The following ANKS1B variants were observed in gnomAD, a reference collection of about 807,000 sequenced individuals.
ANKS1B encodes the protein ankyrin repeat and sterile alpha motif domain-containing protein 1B.
ANKS1B carries 36 observed loss-of-function variants against 148.3 expected under a neutral mutation model. That is an observed-to-expected ratio of 0.24 (90% CI 0.19 to 0.32). The LOEUF (loss-of-function observed/expected upper bound fraction) is 0.32, where lower values mean the gene tolerates loss of function less well. Ranked by LOEUF, ANKS1B falls within the 10% of genes least tolerant of loss-of-function variation. The pLI is 1.00. For synonymous variants in ANKS1B, 542 were observed against 560.8 expected (o/e 0.97, Z 0.47); for missense variants, 1,157 against 1,542.6 (o/e 0.75, Z 4.19).
chr12:99,886,441 T>C (rs1056645576), intron 1 of ANKS1B, among the ~76,000 whole-genome samples: 3 of 152,198 alleles, frequency 2.0e-5, no homozygotes, highest in African/African-American at 7.2e-5. Context: ...TATTGTGTAA[T>C]TAATTCTTTC....
At chr12:99,596,972 T>C (rs1008579263) in intron 9 of ANKS1B, among the ~76,000 whole-genome samples, 23 of 152,066 alleles carry the variant, frequency 1.5e-4, no homozygotes, top group African/African-American at 3.9e-4. Context: ...CTGAGTCATA[T>C]GGTAAATTTA....
chr12:99,149,829 G>A (rs1023293672), intron 15 of ANKS1B, among the ~76,000 whole-genome samples: 1 of 152,044 alleles, frequency 6.6e-6, no homozygotes. Context: ...GTAATTTGCT[G>A]CTGACACACC....
At chr12:99,387,797 T>G (rs1368691331) in intron 12 of ANKS1B, among the ~76,000 whole-genome samples, 1 of 149,912 alleles carries the variant, frequency 6.7e-6, no homozygotes, top group Non-Finnish European at 1.5e-5. Context: ...GTTACCCAGT[T>G]TACGGTATTT....
At chr12:99,860,954 C>A (rs536455231) in intron 1 of ANKS1B, among the ~76,000 whole-genome samples, 3 of 152,146 alleles carry the variant, frequency 2.0e-5, no homozygotes, top group African/African-American at 4.8e-5. Flanking sequence ...AACTACAACC[C>A]AAATTAGTAC....
intron 9 of ANKS1B, among the ~76,000 whole-genome samples, chr12:99,519,022 T>C (rs1017355097): frequency 2.0e-5 from 3 of 152,114 alleles, no homozygotes; most frequent in African/African-American, 7.2e-5. Context: ...TTCATGTGTC[T>C]GTATAGTTTC....
chr12:98,802,594 CTTTTTTTTTTTTTT>C (rs397850118), intron 20 of ANKS1B, among the ~76,000 whole-genome samples: 5 of 34,758 alleles, frequency 1.4e-4, no homozygotes, highest in East Asian at 1.2e-3. Flanking sequence ...AATGCACAGG[CTTTTTTTTTTTTTT>C]TTTTTTTTTT....
At chr12:99,537,929 T>C (rs2097089140) in intron 9 of ANKS1B, among the ~76,000 whole-genome samples, 1 of 152,180 alleles carries the variant, frequency 6.6e-6, no homozygotes, top group Non-Finnish European at 1.5e-5. Context: ...TATTTGATTT[T>C]TGTAATTAAT....
At chr12:99,720,717 C>T (rs7953607) in intron 8 of ANKS1B, among the ~76,000 whole-genome samples, 66,180 of 151,902 alleles carry the variant, frequency 0.44, 14,818 homozygotes, top group South Asian at 0.61. Flanking sequence ...AGGCCCCAGT[C>T]TCATTCCAGA....
intron 17 of ANKS1B, among the ~76,000 whole-genome samples, chr12:98,917,867 T>C (rs2099796496): frequency 6.6e-6 from 1 of 152,220 alleles, no homozygotes; most frequent in African/African-American, 2.4e-5. Context: ...CCTCATTCTT[T>C]CTTTTAATTC....
chr12:99,228,455 T>A (rs1044359660), intron 14 of ANKS1B, among the ~76,000 whole-genome samples: 1 of 152,048 alleles, frequency 6.6e-6, no homozygotes, highest in Non-Finnish European at 1.5e-5. Flanking sequence ...TCTATCTGTA[T>A]GTGATTGAAT....
chr12:99,324,400 C>T (rs975321566), intron 12 of ANKS1B, among the ~76,000 whole-genome samples: 1 of 152,116 alleles, frequency 6.6e-6, no homozygotes, highest in East Asian at 1.9e-4. Context: ...TCTGTAGTCA[C>T]ACTTGGGAAC....
intron 1 of ANKS1B, among the ~76,000 whole-genome samples, chr12:99,934,671 G>A (rs572045109): frequency 1.3e-5 from 2 of 151,848 alleles, no homozygotes; most frequent in African/African-American, 4.8e-5. Flanking sequence ...CTGGCTAAAG[G>A]TTTCCCAATT....
chr12:99,742,214 C>T (rs12321872), intron 8 of ANKS1B, among the ~76,000 whole-genome samples: 1 of 150,424 alleles, frequency 6.6e-6, no homozygotes, highest in Non-Finnish European at 1.5e-5. Context: ...ATAAGTTTAG[C>T]TATGTAACAA....
intron 9 of ANKS1B, among the ~76,000 whole-genome samples, chr12:99,612,133 T>G (rs995777400): frequency 6.6e-6 from 1 of 152,066 alleles, no homozygotes; most frequent in African/African-American, 2.4e-5. Flanking sequence ...CAACCTTTCT[T>G]AAGCCCCAAG....
intron 9 of ANKS1B, among the ~76,000 whole-genome samples, chr12:99,562,429 T>C (rs1291331346): frequency 6.6e-6 from 1 of 152,226 alleles, no homozygotes; most frequent in Non-Finnish European, 1.5e-5. Flanking sequence ...CTACATGGCA[T>C]CTTTTTCCAA....
chr12:99,426,992 A>G lies in ANKS1B; in HGVS notation c.1575+16681T>C, dbSNP rs111737132. On this transcript the variant is annotated intron_variant, in intron 11 of 26. Coordinates refer to ENST00000683438, the MANE Select transcript of ANKS1B (RefSeq NM_001352186.2). ...TTCGTAACCTGTATCTCCTAAATTC[A>G]ACTCTATGGTAAATATTATTCATTC... 4.6e-3 allele frequency among the ~76,000 whole-genome samples: 697 copies of G among 152,268 alleles called. 4 individuals carry two copies. Among genetic ancestry groups the G allele is most frequent in the African/African-American group, 0.015 (632 of 41,550 alleles).
chr12:98,782,355 T>G (rs139985881), intron 22 of ANKS1B, among the ~76,000 whole-genome samples: 54 of 152,354 alleles, frequency 3.5e-4, no homozygotes, highest in African/African-American at 1.3e-3. Flanking sequence ...TCTTTCTCTG[T>G]TTCTCATCAT....
At chr12:99,307,503 A>G (rs1049418211) in intron 12 of ANKS1B, among the ~76,000 whole-genome samples, 5 of 152,120 alleles carry the variant, frequency 3.3e-5, no homozygotes, top group Non-Finnish European at 4.4e-5. Context: ...GGCAGTGAAC[A>G]GGCAGTCCTG....
intron 9 of ANKS1B, among the ~76,000 whole-genome samples, chr12:99,548,987 C>T (rs971048757): frequency 2.6e-5 from 4 of 152,176 alleles, no homozygotes; most frequent in Admixed American, 2.0e-4. Context: ...GCCATGGGGA[C>T]ATAACATATA....
Sources: gnomAD v4.1 joint callset for allele counts (sites outside exome capture counted in the v4.1 genomes callset) on GRCh38, gnomAD v4.1.1 for gene constraint, MANE v1.5 for transcripts, NCBI Gene and HGNC (gene_info 2026-07-23, HGNC 2026-07-21) for gene names.